Variants in PKD2L2 observed in about 807,000 individuals in gnomAD.
PKD2L2 encodes the protein polycystin-2-like protein 2.
PKD2L2 carries 67 observed loss-of-function variants against 83.9 expected under a neutral mutation model. The ratio of observed to expected loss-of-function variants is 0.80; its 90% CI spans 0.66 to 0.98. The LOEUF (loss-of-function observed/expected upper bound fraction) is 0.98. PKD2L2 is among the 50% of genes least tolerant of loss of function. The pLI, the probability that PKD2L2 is intolerant of heterozygous loss-of-function variation, is 0.00. For synonymous variants in PKD2L2, 223 were observed against 237.8 expected, an observed-to-expected ratio of 0.94 and a Z score of 0.57; for missense variants, 632 against 717.2, an observed-to-expected ratio of 0.88 and a Z score of 1.36.
At position 137,935,975 on chromosome 5, in the gene PKD2L2, A is replaced by G. The variant is rs1409010024; in HGVS notation, c.1784+66A>G. 4 of 903,880 alleles carry G rather than the reference A, an allele frequency of 4.4e-6. No individual in the cohort carries two copies. In the African/African-American group the frequency reaches 5.0e-5, roughly 11 times the overall value. 56.0% of individuals were successfully genotyped at this position (903,880 alleles called of 1,614,324 possible). A position where few individuals can be genotyped will look rare whatever the true frequency, so the allele number is the denominator to read the frequency against. On this transcript the variant is annotated intron_variant, in intron 13 of 14. Transcript: ENST00000508883. ...ACATGCGCATTAAGGACATGAGTTA[A>G]ACACATTATTTTCCTGAACCCAAAA... is the stretch of plus-strand genomic sequence containing the variant.
intron 10 of PKD2L2, among the ~76,000 whole-genome samples, chr5:137,924,685 C>T (rs891352750): frequency 3.3e-5 from 5 of 152,214 alleles, no homozygotes; most frequent in African/African-American, 9.7e-5. Context: ...AGCTATCCCC[C>T]AATTAGTTTG....
At chr5:137,932,505 A>G (rs1226156887) in intron 12 of PKD2L2, among the ~76,000 whole-genome samples, 1 of 152,208 alleles carries the variant, frequency 6.6e-6, no homozygotes, top group Non-Finnish European at 1.5e-5. Flanking sequence ...AAGACAGAAA[A>G]AAGTGAAATG....
In PKD2L2 at chr5:137,936,494, C is replaced by T. The variant is rs1382194959; in HGVS notation, c.*17+67C>T. 111 of 1,363,410 alleles carry T rather than the reference C, an allele frequency of 8.1e-5. No homozygotes were observed. In the South Asian group the frequency reaches 9.3e-4, roughly 11 times the overall value. The allele number at this position is 1,363,410 out of a possible 1,614,324, so 84.5% of individuals were successfully genotyped here. A position where few individuals can be genotyped will look rare whatever the true frequency, so the allele number is the denominator to read the frequency against. ...TTTTTGAGACGGAGTCTCGCTCTAA[C>T]GCCCAGGCTGGAGTGCAGTGGCGTG... On this transcript the variant is annotated intron_variant, in intron 14 of 14. Coordinates refer to ENST00000508883, the MANE Select transcript of PKD2L2 (RefSeq NM_001300921.2).
intron 5 of PKD2L2, among the ~76,000 whole-genome samples, chr5:137,902,434 CCCT>C (rs1015280466): frequency 2.6e-5 from 4 of 152,086 alleles, no homozygotes; most frequent in African/African-American, 9.7e-5. Flanking sequence ...CTTTCTCTTC[CCCT>C]CCTCCTCCTC....
intron 8 of PKD2L2, among the ~76,000 whole-genome samples, chr5:137,915,798 G>A (rs938100738): frequency 5.3e-5 from 8 of 152,186 alleles, no homozygotes; most frequent in Non-Finnish European, 1.0e-4. Context: ...AAATGAAGTT[G>A]CAAACTGTTG....
intron 14 of PKD2L2, 37 bp downstream of exon 14, chr5:137,936,464 T>C (rs1338786922): frequency 2.5e-5 from 38 of 1,512,824 alleles, no homozygotes; most frequent in Non-Finnish European, 3.4e-5. Flanking sequence ...GCATTTCTTT[T>C]TTTTTTTTTG....
chr5:137,894,900 C>G (rs1756310055), intron 4 of PKD2L2, among the ~76,000 whole-genome samples: 2 of 152,146 alleles, frequency 1.3e-5, no homozygotes, highest in Non-Finnish European at 2.9e-5. Flanking sequence ...CTAAAATGGT[C>G]AATTAATCTG....
At chr5:137,926,061 C>T in intron 12 of PKD2L2, 132 bp downstream of exon 12, 3 of 568,828 alleles carry the variant, frequency 5.3e-6, no homozygotes, top group East Asian at 2.8e-5. Flanking sequence ...AAATAAATCT[C>T]CCAGAATCTA....
chr5:137,936,052 CAT>C, intron 13 of PKD2L2, 143 bp downstream of exon 13: 5 of 640,250 alleles, frequency 7.8e-6, no homozygotes, highest in Non-Finnish European at 1.4e-5. Flanking sequence ...TTTAAAGTTG[CAT>C]ATGACTCCAT....
At chr5:137,892,840 G>C (rs1192458044) in intron 3 of PKD2L2, among the ~76,000 whole-genome samples, 1 of 152,172 alleles carries the variant, frequency 6.6e-6, no homozygotes, top group African/African-American at 2.4e-5. Context: ...AGGCACGGTG[G>C]CTCATGCCTG....
intron 11 of PKD2L2, among the ~76,000 whole-genome samples, 188 bp downstream of exon 11, chr5:137,925,292 G>A (rs1237148429): frequency 6.6e-5 from 10 of 152,124 alleles, no homozygotes; most frequent in Non-Finnish European, 1.5e-5. Context: ...GATTACAGGC[G>A]TGAGCCACCG....
At chr5:137,900,819 C>T (rs1756890143) in intron 5 of PKD2L2, among the ~76,000 whole-genome samples, 1 of 152,084 alleles carries the variant, frequency 6.6e-6, no homozygotes, top group South Asian at 2.1e-4. Flanking sequence ...GAAAGGCATA[C>T]CTTTAGATTC....
intron 12 of PKD2L2, among the ~76,000 whole-genome samples, chr5:137,931,667 A>C (rs1342288659): frequency 6.6e-6 from 1 of 152,174 alleles, no homozygotes; most frequent in Non-Finnish European, 1.5e-5. Flanking sequence ...TATTTCCTTG[A>C]TATGATAAAA....
At chr5:137,902,187 A>G (rs1263172796) in intron 5 of PKD2L2, among the ~76,000 whole-genome samples, 4 of 152,148 alleles carry the variant, frequency 2.6e-5, no homozygotes, top group African/African-American at 9.7e-5. Context: ...ATTATTCAAG[A>G]CTGCTTTTGA....
intron 12 of PKD2L2, among the ~76,000 whole-genome samples, chr5:137,935,484 C>G (rs548011466): frequency 6.6e-6 from 1 of 152,316 alleles, no homozygotes; most frequent in East Asian, 1.9e-4. Context: ...AACATCTTAG[C>G]TTTGATCACA....
intron 12 of PKD2L2, 26 bp from the exon 13 acceptor site, chr5:137,935,771 C>A (rs567751323): frequency 3.3e-6 from 4 of 1,196,712 alleles, no homozygotes; most frequent in Admixed American, 1.8e-5. Context: ...AAGATTGCAG[C>A]CTTTACTTGT....
At chr5:137,913,184 C>CTTTTTT (rs35984179) in intron 8 of PKD2L2, among the ~76,000 whole-genome samples, 2 of 104,844 alleles carry the variant, frequency 1.9e-5, no homozygotes, top group Non-Finnish European at 3.9e-5. Flanking sequence ...CTTCTTTTTT[C>CTTTTTT]TTTTTTTTTT....
chr5:137,938,229 T>C (rs1760718711), intron 14 of PKD2L2: 1 of 152,574 alleles, frequency 6.6e-6, no homozygotes, highest in Admixed American at 6.5e-5. Context: ...GAATAACATA[T>C]TGAAGCAGCT....
intron 11 of PKD2L2, 73 bp from the exon 12 acceptor site, chr5:137,925,802 C>T (rs1219787174): frequency 2.5e-5 from 21 of 827,300 alleles, no homozygotes; most frequent in South Asian, 1.6e-4. Context: ...ACTACAGATC[C>T]GATTGTACTT....
Sources: gnomAD v4.1 joint callset for allele counts (sites outside exome capture counted in the v4.1 genomes callset) on GRCh38, gnomAD v4.1.1 for gene constraint, MANE v1.5 for transcripts, NCBI Gene and HGNC (gene_info 2026-07-23, HGNC 2026-07-21) for gene names.